NCKAP5: variants seen among roughly 807,000 people sequenced by gnomAD.
The protein encoded by NCKAP5 is nck-associated protein 5.
In NCKAP5, 92 loss-of-function variants were observed where a neutral mutation model predicts 167.0. The observed-to-expected ratio is 0.55, with a 90% CI of 0.47 to 0.66. The LOEUF is 0.66. Ranked by LOEUF, NCKAP5 falls within the 30% of genes least tolerant of loss-of-function variation. The pLI is 0.00. For missense variants in NCKAP5, 2,378 were observed against 2,315.0 expected, an observed-to-expected ratio of 1.03 and a Z score of -0.56; for synonymous variants, 891 against 877.4, an observed-to-expected ratio of 1.02 and a Z score of -0.27.
chr2:133,365,863 C>A (rs1036802838), intron 3 of NCKAP5, among the ~76,000 whole-genome samples: 2 of 152,144 alleles, frequency 1.3e-5, no homozygotes, highest in African/African-American at 4.8e-5. Context: ...GTCCACTGTA[C>A]AATTCAGTCC....
intron 11 of NCKAP5, among the ~76,000 whole-genome samples, chr2:132,852,805 T>C (rs1349026475): frequency 1.3e-5 from 2 of 152,216 alleles, no homozygotes; most frequent in Admixed American, 1.3e-4. Context: ...AAGGCTTTCC[T>C]GACACCCAGA....
At chr2:133,468,920 G>T (rs1692820414) in intron 3 of NCKAP5, among the ~76,000 whole-genome samples, 1 of 152,082 alleles carries the variant, frequency 6.6e-6, no homozygotes. Context: ...ACGTAAGATG[G>T]GTTTCCTGAA....
At chr2:132,696,918 C>A (rs190558583) in intron 19 of NCKAP5, among the ~76,000 whole-genome samples, 1 of 152,138 alleles carries the variant, frequency 6.6e-6, no homozygotes, top group East Asian at 1.9e-4. Flanking sequence ...AACATGGTCT[C>A]ACTCTGTCAC....
chr2:133,010,831 C>T (rs960523769), intron 6 of NCKAP5, among the ~76,000 whole-genome samples: 2 of 151,852 alleles, frequency 1.3e-5, no homozygotes, highest in African/African-American at 4.8e-5. Flanking sequence ...TAACTTTAGG[C>T]CAAAATAGTG....
At chr2:133,051,668 T>C (rs2079611401) in intron 6 of NCKAP5, among the ~76,000 whole-genome samples, 2 of 152,304 alleles carry the variant, frequency 1.3e-5, no homozygotes, top group South Asian at 4.1e-4. Context: ...TAACCAATAA[T>C]TTATTTTCCA....
chr2:133,097,421 A>C (rs1452142895), intron 6 of NCKAP5, among the ~76,000 whole-genome samples: 5 of 152,202 alleles, frequency 3.3e-5, no homozygotes, highest in Non-Finnish European at 7.3e-5. Flanking sequence ...CTCTTTACAG[A>C]TTCCTGAAGT....
chr2:133,065,763 A>C (rs1273963160), intron 6 of NCKAP5, among the ~76,000 whole-genome samples: 1 of 152,194 alleles, frequency 6.6e-6, no homozygotes, highest in Non-Finnish European at 1.5e-5. Context: ...GGTCCCAATG[A>C]CTATGGCCAC....
At chr2:133,571,880 AC>A (rs1688879761), upstream of NCKAP5, among the ~76,000 whole-genome samples, 1 of 151,478 alleles carries the variant, frequency 6.6e-6, no homozygotes, top group South Asian at 2.1e-4. Context: ...CATCTAATTT[AC>A]CCTTAAAAAA....
At chr2:133,434,482 C>T (rs1056131004) in intron 3 of NCKAP5, among the ~76,000 whole-genome samples, 7 of 152,158 alleles carry the variant, frequency 4.6e-5, no homozygotes, top group African/African-American at 1.7e-4. Flanking sequence ...TATCTTTACT[C>T]GTTATATAAT....
chr2:133,503,260 G>A (rs1682699627), intron 3 of NCKAP5, among the ~76,000 whole-genome samples: 1 of 152,098 alleles, frequency 6.6e-6, no homozygotes, highest in South Asian at 2.1e-4. Context: ...CTGTACTGGG[G>A]GTATAACTGT....
intron 8 of NCKAP5, among the ~76,000 whole-genome samples, chr2:132,893,628 T>C (rs1191147765): frequency 6.6e-6 from 1 of 152,114 alleles, no homozygotes; most frequent in Non-Finnish European, 1.5e-5. Flanking sequence ...TTGTTAAGGA[T>C]ACATACATAG....
At chr2:133,213,648 G>A (rs72846308) in intron 5 of NCKAP5, 68 bp downstream of exon 5, 1 of 1,512,460 alleles carries the variant, frequency 6.6e-7, no homozygotes, top group Non-Finnish European at 9.1e-7. Context: ...TCCTTAATGA[G>A]GCAAAGTAGC....
chr2:133,415,151 A>G (rs1689027299), intron 3 of NCKAP5, among the ~76,000 whole-genome samples: 1 of 152,234 alleles, frequency 6.6e-6, no homozygotes, highest in African/African-American at 2.4e-5. Context: ...CTCAGTTCAC[A>G]CTGGCCGAAA....
At chr2:133,437,762 G>A (rs1314445742) in intron 3 of NCKAP5, among the ~76,000 whole-genome samples, 1 of 152,120 alleles carries the variant, frequency 6.6e-6, no homozygotes, top group East Asian at 1.9e-4. Context: ...CTTCAGTTAA[G>A]TTATTTAAAC....
At chr2:132,688,337 T>C (rs888937833) in intron 19 of NCKAP5, among the ~76,000 whole-genome samples, 3 of 152,176 alleles carry the variant, frequency 2.0e-5, no homozygotes, top group African/African-American at 7.2e-5. Flanking sequence ...AAAAATTGTA[T>C]AGAAAACAGC....
chr2:133,499,319 G>T (rs185603743), intron 3 of NCKAP5, among the ~76,000 whole-genome samples: 137 of 152,216 alleles, frequency 9.0e-4, no homozygotes, highest in Admixed American at 2.0e-3. Context: ...TTACTTGCAC[G>T]TTAAACGTCT....
chr2:133,541,775 AT>A (rs58596206), intron 2 of NCKAP5, among the ~76,000 whole-genome samples: 13,047 of 148,604 alleles, frequency 0.088, 917 homozygotes, highest in African/African-American at 0.2. Flanking sequence ...TATAAAGGAG[AT>A]TTTTTTTTTT....
chr2:133,531,641 G>A (rs1393136868), intron 2 of NCKAP5, among the ~76,000 whole-genome samples: 7 of 152,054 alleles, frequency 4.6e-5, no homozygotes, highest in Non-Finnish European at 8.8e-5. Context: ...AGAAACTTTT[G>A]CTCCTGACTT....
chr2:133,145,255 C>T (rs540321424), intron 5 of NCKAP5, among the ~76,000 whole-genome samples: 42 of 152,076 alleles, frequency 2.8e-4, no homozygotes, highest in Middle Eastern at 6.8e-3. Context: ...TTTATATTTA[C>T]TATGTGCTAT....
Sources: allele counts gnomAD v4.1 joint callset (sites outside exome capture counted in the v4.1 genomes callset), GRCh38; gene constraint gnomAD v4.1.1; transcripts MANE v1.5; gene names NCBI Gene and HGNC (gene_info 2026-07-23, HGNC 2026-07-21).